Variants in TRIM5 observed in about 807,000 individuals in gnomAD.
TRIM5 encodes tripartite motif-containing protein 5.
In TRIM5, 31 loss-of-function variants were observed where a neutral mutation model predicts 35.6. The ratio of observed to expected loss-of-function variants is 0.87; its 90% CI spans 0.65 to 1.18. The LOEUF (loss-of-function observed/expected upper bound fraction) is 1.18. Among genes scored for constraint, TRIM5 ranks in the 50% most tolerant of loss-of-function variants. The pLI is 0.00. For missense variants in TRIM5, 609 were observed against 591.6 expected (o/e 1.03, Z -0.31); for synonymous variants, 243 against 215.6 (o/e 1.13, Z -1.11).
chr11:5,665,087 T>G lies in TRIM5; in HGVS notation c.1204A>C (p.Ile402Leu), dbSNP rs777548826. 7.4e-6 allele frequency: 12 copies of G among 1,614,154 alleles called. No individual in the cohort carries two copies. The highest frequency in any genetic ancestry group is 9.3e-6 in the Non-Finnish European group (11 of 1,180,032). The change falls in exon 8 of 8, where the codon ATA becomes CTA. Residue 402 changes from isoleucine to leucine, a missense_variant. Transcript: ENST00000380034. ...CATTTAACTCCTTCCTCTAACCCTA[T>G]AACCCAGTAGCCGTATTTAGGTTGA... is the stretch of plus-strand genomic sequence containing the variant. ...NYQPKYGYWVIGLEEGVKCSA... is the reference protein window; with the variant it reads ...NYQPKYGYWVLGLEEGVKCSA...
chr11:5,638,185 G>A, the TRIM5 span, among the ~76,000 whole-genome samples: 1 of 152,184 alleles, frequency 6.6e-6, no homozygotes, highest in African/African-American at 2.4e-5. Flanking sequence ...TTGCAGTGAA[G>A]GGAAGTTCTC....
the TRIM5 span, among the ~76,000 whole-genome samples, chr11:5,602,194 C>G: frequency 7.3e-5 from 11 of 151,588 alleles, no homozygotes; most frequent in Non-Finnish European, 1.2e-4. Flanking sequence ...TAGTCCCAAC[C>G]CTTTGGGAGG....
the TRIM5 span, among the ~76,000 whole-genome samples, chr11:5,599,273 T>C: frequency 6.6e-6 from 1 of 152,192 alleles, no homozygotes; most frequent in Non-Finnish European, 1.5e-5. Flanking sequence ...TTCAAGAGAA[T>C]TGGGTACGCT....
the TRIM5 span, among the ~76,000 whole-genome samples, chr11:5,635,182 C>T: frequency 2.0e-5 from 3 of 151,798 alleles, no homozygotes; most frequent in Non-Finnish European, 4.4e-5. Flanking sequence ...GGTTTAAGAG[C>T]ATACACATTT....
At chr11:5,680,300 G>A in intron 1 of TRIM5, 62 bp from the exon 2 acceptor site, 1 of 993,412 alleles carries the variant, frequency 1.0e-6, no homozygotes, top group Non-Finnish European at 1.4e-6. Flanking sequence ...AAAGGATATT[G>A]ATTGTGCACA....
the TRIM5 span, among the ~76,000 whole-genome samples, chr11:5,656,735 G>C: frequency 6.6e-6 from 1 of 152,240 alleles, no homozygotes; most frequent in African/African-American, 2.4e-5. Context: ...GGTTACTAGA[G>C]AAATGCAAAT....
the TRIM5 span, chr11:5,603,664 C>A: frequency 1.9e-6 from 3 of 1,613,338 alleles, no homozygotes; most frequent in Non-Finnish European, 2.5e-6. Flanking sequence ...CATTTGCTGG[C>A]TTTGTGAGCG....
At chr11:5,625,420 C>A in the TRIM5 span, among the ~76,000 whole-genome samples, 1 of 152,156 alleles carries the variant, frequency 6.6e-6, no homozygotes, top group Non-Finnish European at 1.5e-5. Flanking sequence ...AACAGAAGAT[C>A]TCTTATTTTC....
At chr11:5,630,169 A>G in the TRIM5 span, among the ~76,000 whole-genome samples, 4 of 152,296 alleles carry the variant, frequency 2.6e-5, no homozygotes, top group South Asian at 2.1e-4. Flanking sequence ...AAGAGTCTCA[A>G]TCCTCTTACG....
the TRIM5 span, among the ~76,000 whole-genome samples, chr11:5,595,660 C>G: frequency 3.9e-5 from 6 of 151,978 alleles, no homozygotes; most frequent in African/African-American, 9.7e-5. Flanking sequence ...TCTCAAAGGC[C>G]TCCGGATTTG....
chr11:5,591,444 T>C, the TRIM5 span, among the ~76,000 whole-genome samples: 2 of 151,844 alleles, frequency 1.3e-5, no homozygotes, highest in Non-Finnish European at 2.9e-5. Context: ...AGGTCAAGAG[T>C]TGGAGACCAG....
At chr11:5,643,841 G>C in the TRIM5 span, 1 of 1,236,144 alleles carries the variant, frequency 8.1e-7, no homozygotes, top group East Asian at 2.4e-5. Flanking sequence ...TGAGATGTAT[G>C]GTGTATTTGG....
chr11:5,682,979 C>T (rs1852627024), intron 1 of TRIM5, among the ~76,000 whole-genome samples: 1 of 152,178 alleles, frequency 6.6e-6, no homozygotes, highest in Non-Finnish European at 1.5e-5. Flanking sequence ...GGGCTGCGCG[C>T]CGCGCTTGTG....
chr11:5,634,522 CACACACACAT>C, the TRIM5 span: 48 of 662,848 alleles, frequency 7.2e-5, no homozygotes, highest in South Asian at 1.1e-3. Context: ...CACACACACA[CACACACACAT>C]ATATATATAT....
At chr11:5,669,872 G>A (rs1437894000) in intron 4 of TRIM5, 6 of 183,180 alleles carry the variant, frequency 3.3e-5, no homozygotes, top group South Asian at 1.4e-4. Flanking sequence ...CTACTCAGGC[G>A]GCTGAGGCAC....
chr11:5,612,332 T>G, the TRIM5 span: 1 of 152,202 alleles, frequency 6.6e-6, no homozygotes, highest in African/African-American at 2.4e-5. Context: ...AGCTTCAAAC[T>G]CAAATTGAAG....
the TRIM5 span, among the ~76,000 whole-genome samples, chr11:5,619,303 A>C: frequency 6.6e-6 from 1 of 152,236 alleles, no homozygotes; most frequent in Non-Finnish European, 1.5e-5. Flanking sequence ...TGATCGTACA[A>C]GAATACGCCT....
Position 5,664,841 on chromosome 11 carries a change from C to T in TRIM5, c.1450G>A (p.Val484Ile). 6.2e-7 allele frequency: 1 copy of T among 1,608,294 alleles called. No homozygotes were observed. Among genetic ancestry groups the T allele is most frequent in the East Asian group, 2.2e-5 (1 of 44,862 alleles). The stretch of plus-strand genomic sequence containing the variant: ...CTTGGTGAGCACAGAGTCATGGGGA[C>T]TCCACATTTTCTAGGATTTAAATAT... ...FPYLNPRKCGVPMTLCSPSS is the reference protein window; with the variant it reads ...FPYLNPRKCGIPMTLCSPSS Residue 484 changes from valine to isoleucine, a missense_variant, in exon 8 of 8, where the codon GTC (valine) becomes ATC (isoleucine). Val to Ile is a conservative substitution (Grantham distance 29). Transcript: ENST00000380034.
chr11:5,610,437 G>A, the TRIM5 span: 2 of 1,605,120 alleles, frequency 1.2e-6, no homozygotes, highest in East Asian at 2.2e-5. Flanking sequence ...CATCCTCACA[G>A]GATTCCTCAC....
Sources: allele counts gnomAD v4.1 joint callset (sites outside exome capture counted in the v4.1 genomes callset), GRCh38; gene constraint gnomAD v4.1.1; transcripts MANE v1.5; gene names NCBI Gene and HGNC (gene_info 2026-07-23, HGNC 2026-07-21).